Variants in SLC35F1 observed in about 807,000 individuals in gnomAD.
SLC35F1 encodes the protein solute carrier family 35 member F1, also known as chromosome 6 open reading frame 169.
A neutral mutation model predicts 48.7 loss-of-function variants in SLC35F1; 14 were observed. The ratio of observed to expected loss-of-function variants is 0.29; its 90% CI spans 0.19 to 0.45. The LOEUF is 0.45. Ranked by LOEUF, SLC35F1 falls within the 20% of genes least tolerant of loss-of-function variation. The pLI is 1.00. For synonymous variants in SLC35F1, 190 were observed against 202.2 expected (o/e 0.94, Z 0.51); for missense variants, 404 against 500.0 (o/e 0.81, Z 1.83).
Position 118,228,348 on chromosome 6 carries a change from T to C in SLC35F1, c.350-7161T>C, listed in dbSNP as rs76705157. Among the ~76,000 whole-genome samples the C allele has an allele frequency of 9.3e-3, 1,416 of 152,338 alleles. 24 individuals are homozygous for C. Among genetic ancestry groups the C allele is most frequent in the African/African-American group, 0.033 (1,366 of 41,570 alleles). On this transcript the variant is annotated intron_variant, in intron 2 of 7. Transcript: ENST00000360388. ...AACTCTAAATCCTAATACTATATTT[T>C]AGCTTTTAAAGTAAGTAATTATATG...
At chr6:118,066,436 C>A (rs1454836783) in intron 1 of SLC35F1, among the ~76,000 whole-genome samples, 3 of 152,178 alleles carry the variant, frequency 2.0e-5, no homozygotes, top group Non-Finnish European at 4.4e-5. Context: ...TTCAGTTGTA[C>A]ACCACAAGAA....
intron 7 of SLC35F1, among the ~76,000 whole-genome samples, chr6:118,305,713 A>G (rs1292107671): frequency 6.6e-6 from 1 of 152,218 alleles, no homozygotes; most frequent in Non-Finnish European, 1.5e-5. Context: ...GTTATATAAT[A>G]AAGAGACAAG....
Position 117,940,655 on chromosome 6 carries a change from G to T in SLC35F1, c.173+32756G>T, listed in dbSNP as rs78640631. ...TTTTTTTTCTCCTTTCTTTTTTTTTGTGTGTGTGTGTGTGACAGGGTCTTA... is the reference window on the plus strand; with the variant it reads ...TTTTTTTTCTCCTTTCTTTTTTTTTTTGTGTGTGTGTGTGACAGGGTCTTA... On this transcript the variant is annotated intron_variant, in intron 1 of 7. Coordinates refer to ENST00000360388, the MANE Select transcript of SLC35F1 (RefSeq NM_001029858.4). 6.4e-3 allele frequency among the ~76,000 whole-genome samples: 947 copies of T among 148,210 alleles called. 10 individuals carry two copies. The highest frequency in any genetic ancestry group is 0.042 in the East Asian group (214 of 5,050).
chr6:118,046,018 T>C (rs1172021665), intron 1 of SLC35F1, among the ~76,000 whole-genome samples: 1 of 152,168 alleles, frequency 6.6e-6, no homozygotes, highest in Non-Finnish European at 1.5e-5. Context: ...ACCTGTTATA[T>C]TGGAAAGTAC....
At chr6:117,930,796 A>G (rs1478701539) in intron 1 of SLC35F1, among the ~76,000 whole-genome samples, 4 of 152,094 alleles carry the variant, frequency 2.6e-5, no homozygotes, top group Non-Finnish European at 4.4e-5. Flanking sequence ...TTTCTGTTGC[A>G]GTGGGCACTT....
intron 1 of SLC35F1, among the ~76,000 whole-genome samples, chr6:118,012,916 AT>A (rs61550083): frequency 0.32 from 48,329 of 150,770 alleles, 8,038 homozygotes; most frequent in Non-Finnish European, 0.36. Context: ...GATAGATGTG[AT>A]TTTTTTTTTC....
intron 1 of SLC35F1, among the ~76,000 whole-genome samples, chr6:118,034,879 G>T (rs890492102): frequency 2.0e-5 from 3 of 152,050 alleles, no homozygotes; most frequent in Admixed American, 2.0e-4. Flanking sequence ...CTCAAGTTTT[G>T]ATGTTGGGTT....
chr6:117,927,051 A>G (rs1266037204), intron 1 of SLC35F1, among the ~76,000 whole-genome samples: 1 of 152,202 alleles, frequency 6.6e-6, no homozygotes, highest in East Asian at 1.9e-4. Flanking sequence ...GACCTCAGAC[A>G]AGTTATCTAA....
intron 3 of SLC35F1, among the ~76,000 whole-genome samples, chr6:118,261,914 C>A (rs1775717412): frequency 6.6e-6 from 1 of 152,150 alleles, no homozygotes; most frequent in Non-Finnish European, 1.5e-5. Context: ...GCCCCCTAAT[C>A]CCCATCCCAT....
At chr6:118,023,174 G>C (rs1777419564) in intron 1 of SLC35F1, among the ~76,000 whole-genome samples, 1 of 152,184 alleles carries the variant, frequency 6.6e-6, no homozygotes, top group Non-Finnish European at 1.5e-5. Flanking sequence ...GTAAGGATAA[G>C]AAGTTTAGGT....
intron 1 of SLC35F1, among the ~76,000 whole-genome samples, chr6:118,072,456 C>T (rs746844364): frequency 4.0e-5 from 6 of 151,898 alleles, no homozygotes; most frequent in Non-Finnish European, 7.4e-5. Flanking sequence ...CCCAGCTACT[C>T]GGGAGGCTGG....
chr6:118,187,420 A>T (rs1281995359), intron 2 of SLC35F1, among the ~76,000 whole-genome samples: 1 of 152,226 alleles, frequency 6.6e-6, no homozygotes, highest in East Asian at 1.9e-4. Context: ...CTCTGAGCAG[A>T]TAAGTGAAAG....
chr6:118,149,472 G>A (rs535727622), intron 1 of SLC35F1, among the ~76,000 whole-genome samples: 1 of 152,316 alleles, frequency 6.6e-6, no homozygotes, highest in East Asian at 1.9e-4. Context: ...ATAGTTAGCA[G>A]AGTGTCAACA....
At chr6:118,043,053 G>C (rs1041382763) in intron 1 of SLC35F1, among the ~76,000 whole-genome samples, 1 of 152,148 alleles carries the variant, frequency 6.6e-6, no homozygotes, top group African/African-American at 2.4e-5. Context: ...TGTGTGTACT[G>C]TGCGGTTAGG....
At position 118,267,050 on chromosome 6, in the gene SLC35F1, T is replaced by G; in HGVS notation, c.533T>G (p.Leu178Arg). 1 of 1,614,056 alleles carries G rather than the reference T, an allele frequency of 6.2e-7. No individual in the cohort carries two copies. The highest frequency in any genetic ancestry group is 8.5e-7 in the Non-Finnish European group (1 of 1,179,926). The change falls in exon 4 of 8, where the codon CTG becomes CGG. Residue 178 changes from leucine to arginine, a missense_variant. By Grantham distance (102) the Leu-to-Arg change is moderately radical. Around this residue, in one of 2 missense-constraint regions of SLC35F1, gnomAD observed 306 missense variants for 419.1 expected, o/e 0.73. Coordinates refer to ENST00000360388, the MANE Select transcript of SLC35F1 (RefSeq NM_001029858.4). ...VVILLSWFFLLIRYKAVHFIG... is the reference protein window; with the variant it reads ...VVILLSWFFLRIRYKAVHFIG... Reference sequence around the variant, plus strand: ...ATTTTGCTCTCCTGGTTCTTCCTGCTGATCCGGTACAAGGCTGTGCATTTC... The same window carrying G: ...ATTTTGCTCTCCTGGTTCTTCCTGCGGATCCGGTACAAGGCTGTGCATTTC...
intron 2 of SLC35F1, among the ~76,000 whole-genome samples, chr6:118,167,895 A>T (rs1774342500): frequency 2.0e-5 from 3 of 152,204 alleles, no homozygotes; most frequent in Admixed American, 2.0e-4. Context: ...GTTATACAGC[A>T]CATAACTGAA....
chr6:117,976,268 CAA>C (rs1165645832), intron 1 of SLC35F1, among the ~76,000 whole-genome samples: 4 of 152,154 alleles, frequency 2.6e-5, no homozygotes, highest in African/African-American at 9.7e-5. Context: ...ATAGTGGCAA[CAA>C]GACATTTACT....
Position 118,314,181 on chromosome 6 carries a change from G to T in SLC35F1, c.1156G>T (p.Val386Leu), listed in dbSNP as rs1376458050. Residue 386 changes from valine to leucine, a missense_variant, in exon 8 of 8, where the codon GTG (valine) becomes TTG (leucine). This residue lies in a region of SLC35F1 where 306 missense variants were observed against 419.1 expected (regional missense o/e 0.73). Transcript: ENST00000360388. Reference sequence around the variant, plus strand: ...TGTGGACTTACCGACCACAGCTCAGGTGGAACCCTCAGTCACCTACACCAG... The same window carrying T: ...TGTGGACTTACCGACCACAGCTCAGTTGGAACCCTCAGTCACCTACACCAG... ...PVVDLPTTAQ[V>L]EPSVTYTSLG... 14 of 1,614,032 alleles carry T rather than the reference G, an allele frequency of 8.7e-6. No homozygotes were observed. Among genetic ancestry groups the T allele is most frequent in the Non-Finnish European group, 1.1e-5 (13 of 1,180,040 alleles).
At chr6:118,227,083 C>A (rs1172809719) in intron 2 of SLC35F1, among the ~76,000 whole-genome samples, 1 of 152,190 alleles carries the variant, frequency 6.6e-6, no homozygotes, top group Non-Finnish European at 1.5e-5. Flanking sequence ...CCACTGCCTT[C>A]CCTCATGGTG....
Sources: gnomAD v4.1 joint callset for allele counts (sites outside exome capture counted in the v4.1 genomes callset) on GRCh38, gnomAD v4.1.1 for gene constraint, gnomAD v4.1.1 regional missense constraint, MANE v1.5 for transcripts, NCBI Gene and HGNC (gene_info 2026-07-23, HGNC 2026-07-21) for gene names.